The following ZNF148 variants were observed in gnomAD, a reference collection of about 807,000 sequenced individuals.
ZNF148 encodes the protein Beta-Enolase Repressor Factor-1.
A neutral mutation model predicts 67.7 loss-of-function variants in ZNF148; 7 were observed. The observed-to-expected ratio is 0.10, with a 90% CI of 0.06 to 0.19. The LOEUF (loss-of-function observed/expected upper bound fraction) is 0.19. Ranked by LOEUF, ZNF148 falls within the 10% of genes least tolerant of loss-of-function variation. The pLI, the probability that ZNF148 is intolerant of heterozygous loss-of-function variation, is 1.00. For synonymous variants in ZNF148, 333 were observed against 330.7 expected (o/e 1.01, Z -0.08); for missense variants, 583 against 947.1 (o/e 0.62, Z 5.05).
chr3:125,244,623 G>A (rs1936513848), intron 7 of ZNF148, among the ~76,000 whole-genome samples: 1 of 151,878 alleles, frequency 6.6e-6, no homozygotes, highest in Non-Finnish European at 1.5e-5. Flanking sequence ...TCAGCCTCCT[G>A]AGTAGCTGGC....
intron 1 of ZNF148, among the ~76,000 whole-genome samples, chr3:125,347,523 A>T (rs1276342963): frequency 6.6e-6 from 1 of 152,146 alleles, no homozygotes; most frequent in East Asian, 1.9e-4. Flanking sequence ...TCCAGACTTA[A>T]ATAACTAAAT....
At chr3:125,300,446 T>C (rs556553597) in intron 4 of ZNF148, among the ~76,000 whole-genome samples, 9 of 152,168 alleles carry the variant, frequency 5.9e-5, no homozygotes, top group Non-Finnish European at 1.2e-4. Context: ...TAACTAACGA[T>C]AGGATTCAAG....
chr3:125,315,100 T>C (rs973154559), intron 3 of ZNF148: 5 of 152,116 alleles, frequency 3.3e-5, no homozygotes, highest in Non-Finnish European at 5.9e-5. Flanking sequence ...AGATGTTACA[T>C]ACATCACCAA....
At position 125,230,123 on chromosome 3, in the gene ZNF148, A is replaced by C. The variant is rs1935791030; in HGVS notation, c.*2218T>G. 1 of 152,474 alleles carries C rather than the reference A, an allele frequency of 6.6e-6. No homozygotes were observed. The highest frequency in any genetic ancestry group is 2.4e-5 in the African/African-American group (1 of 41,432). 9.4% of individuals were successfully genotyped at this position (152,474 alleles called of 1,614,324 possible). A position where few individuals can be genotyped will look rare whatever the true frequency, so the allele number is the denominator to read the frequency against. ...AAATGCTCAGCAAGAGTCACATTCT[A>C]AAAACTATGCTGGTGATGTTAAAAC... is the stretch of plus-strand genomic sequence containing the variant. On this transcript the variant is annotated 3_prime_UTR_variant, in exon 9 of 9. Transcript: ENST00000360647.
intron 7 of ZNF148, among the ~76,000 whole-genome samples, chr3:125,247,521 C>G (rs976580750): frequency 1.3e-5 from 2 of 152,136 alleles, no homozygotes; most frequent in African/African-American, 4.8e-5. Flanking sequence ...ACCACAACCT[C>G]TGCCTCCTGA....
chr3:125,359,717 A>C (rs1459179821), intron 1 of ZNF148, among the ~76,000 whole-genome samples: 1 of 152,254 alleles, frequency 6.6e-6, no homozygotes, highest in African/African-American at 2.4e-5. Flanking sequence ...AAAAGCTGGC[A>C]TGACATACTG....
chr3:125,265,960 A>T (rs913542583), intron 7 of ZNF148, among the ~76,000 whole-genome samples: 1 of 152,032 alleles, frequency 6.6e-6, no homozygotes, highest in African/African-American at 2.4e-5. Context: ...AACCAACAGT[A>T]AAAAAAGACA....
intron 1 of ZNF148, among the ~76,000 whole-genome samples, chr3:125,339,073 A>C (rs1202355193): frequency 4.6e-5 from 7 of 152,162 alleles, no homozygotes; most frequent in Non-Finnish European, 8.8e-5. Flanking sequence ...ATGGAGTCTC[A>C]CTACATTTCC....
intron 3 of ZNF148, among the ~76,000 whole-genome samples, chr3:125,318,919 C>T (rs1370036318): frequency 6.6e-6 from 1 of 152,088 alleles, no homozygotes; most frequent in African/African-American, 2.4e-5. Context: ...CATCCCTCTG[C>T]GAGAGAAACT....
At chr3:125,317,569 G>C (rs936430419) in intron 3 of ZNF148, among the ~76,000 whole-genome samples, 4 of 150,210 alleles carry the variant, frequency 2.7e-5, no homozygotes, top group Admixed American at 2.0e-4. Context: ...AATGACGTTA[G>C]CATTATGTGC....
chr3:125,321,328 C>T (rs1384327502), intron 3 of ZNF148, among the ~76,000 whole-genome samples: 1 of 151,988 alleles, frequency 6.6e-6, no homozygotes, highest in African/African-American at 2.4e-5. Context: ...TCAATAGCTG[C>T]TAACACAAGT....
intron 7 of ZNF148, among the ~76,000 whole-genome samples, chr3:125,237,061 A>G (rs930132308): frequency 4.6e-5 from 7 of 152,216 alleles, no homozygotes; most frequent in Non-Finnish European, 8.8e-5. Context: ...ATGGGAAATA[A>G]TAGTTAAGAG....
At chr3:125,351,379 T>TAAAA (rs1942145788) in intron 1 of ZNF148, among the ~76,000 whole-genome samples, 4 of 7,398 alleles carry the variant, frequency 5.4e-4, no homozygotes, top group South Asian at 4.8e-3. Flanking sequence ...ACCTTGTTTC[T>TAAAA]CAAAAAAAAA....
chr3:125,298,827 C>T (rs953999970), intron 4 of ZNF148, among the ~76,000 whole-genome samples: 9 of 151,882 alleles, frequency 5.9e-5, no homozygotes, highest in African/African-American at 2.2e-4. Context: ...CAGGGTTTCA[C>T]CATGTTAGCC....
At chr3:125,295,868 A>G (rs998556679) in intron 4 of ZNF148, among the ~76,000 whole-genome samples, 1 of 152,032 alleles carries the variant, frequency 6.6e-6, no homozygotes, top group African/African-American at 2.4e-5. Flanking sequence ...AGAAAATCAA[A>G]AGAGATTACA....
intron 4 of ZNF148, among the ~76,000 whole-genome samples, chr3:125,288,731 T>C (rs1938844353): frequency 6.6e-6 from 1 of 152,156 alleles, no homozygotes; most frequent in South Asian, 2.1e-4. Context: ...AAATTAACAA[T>C]GAAAATCTAA....
intron 1 of ZNF148, among the ~76,000 whole-genome samples, chr3:125,373,463 T>C (rs1942957094): frequency 6.6e-6 from 1 of 151,764 alleles, no homozygotes; most frequent in East Asian, 2.0e-4. Context: ...TAGCCCAGAG[T>C]TCCCTCTTGG....
chr3:125,300,090 G>C (rs1939506682), intron 4 of ZNF148, among the ~76,000 whole-genome samples: 2 of 152,152 alleles, frequency 1.3e-5, no homozygotes, highest in African/African-American at 2.4e-5. Flanking sequence ...TCGTGCCTCA[G>C]CCTCCTGAGT....
chr3:125,350,949 G>GT (rs1553714869), intron 1 of ZNF148, among the ~76,000 whole-genome samples: 1 of 152,210 alleles, frequency 6.6e-6, no homozygotes, highest in Non-Finnish European at 1.5e-5. Flanking sequence ...GCCAAATACT[G>GT]TATGATTCCA....
Sources: gnomAD v4.1 joint callset for allele counts (sites outside exome capture counted in the v4.1 genomes callset) on GRCh38, gnomAD v4.1.1 for gene constraint, MANE v1.5 for transcripts, NCBI Gene and HGNC (gene_info 2026-07-23, HGNC 2026-07-21) for gene names.